Variants in ADCYAP1R1 observed in about 807,000 individuals in gnomAD.
ADCYAP1R1 encodes pituitary adenylate cyclase-activating polypeptide type I receptor.
ADCYAP1R1 carries 44 observed loss-of-function variants against 67.6 expected under a neutral mutation model. That is an observed-to-expected ratio of 0.65 (90% CI 0.51 to 0.84). The LOEUF is 0.84. Among genes scored for constraint, ADCYAP1R1 ranks in the 40% least tolerant of loss-of-function variants. The pLI is 0.00. For missense variants in ADCYAP1R1, 477 were observed against 587.9 expected, an observed-to-expected ratio of 0.81 and a Z score of 1.95; for synonymous variants, 222 against 219.6, an observed-to-expected ratio of 1.01 and a Z score of -0.10.
chr7:31,106,170 C>A (rs1185581969), intron 15 of ADCYAP1R1, among the ~76,000 whole-genome samples: 1 of 152,222 alleles, frequency 6.6e-6, no homozygotes, highest in African/African-American at 2.4e-5. Context: ...GATCCACCTG[C>A]CCTGTGGGAC....
intron 4 of ADCYAP1R1, among the ~76,000 whole-genome samples, chr7:31,078,583 C>T (rs1469012993): frequency 6.6e-6 from 1 of 152,216 alleles, no homozygotes; most frequent in Non-Finnish European, 1.5e-5. Context: ...ATGTAGACAC[C>T]CCCCTCAGGC....
At chr7:31,097,692 A>G (rs1235823884) in intron 13 of ADCYAP1R1, among the ~76,000 whole-genome samples, 2 of 152,170 alleles carry the variant, frequency 1.3e-5, no homozygotes, top group Non-Finnish European at 2.9e-5. Context: ...TACCATGGAA[A>G]CATCTAGGGT....
At chr7:31,098,069 T>G (rs2128637460) in intron 13 of ADCYAP1R1, among the ~76,000 whole-genome samples, 1 of 152,076 alleles carries the variant, frequency 6.6e-6, no homozygotes, top group Admixed American at 6.6e-5. Flanking sequence ...CCCGGCTAAT[T>G]TTTTTGTATT....
Position 31,063,255 on chromosome 7 carries a change from A to C in ADCYAP1R1, c.-10A>C. On this transcript the variant is annotated 5_prime_UTR_variant, in exon 2 of 16. Transcript: ENST00000304166. ...CAGTGGGAGGCCAGTGGTGCTGGCC[A>C]AGAAGTGTCATGGCTGGTGTCGTGC... 1 of 1,614,212 alleles carries C rather than the reference A, an allele frequency of 6.2e-7. No individual in the cohort carries two copies. Among genetic ancestry groups the C allele is most frequent in the African/African-American group, 1.3e-5 (1 of 75,078 alleles).
Position 31,057,508 on chromosome 7 carries a change from C to T in ADCYAP1R1, c.-72+4830C>T, listed in dbSNP as rs147470954. Among the ~76,000 whole-genome samples the T allele has an allele frequency of 2.1e-3, 322 of 152,326 alleles. 1 individual carries two copies. Among genetic ancestry groups the T allele is most frequent in the Non-Finnish European group, 3.8e-3 (261 of 68,026 alleles). Reference sequence around the variant, plus strand: ...ACCTGGTTCCCTACCCAAGCTTGTGCGAAATGCAGGGCATGAGTGGGATCA... The same window carrying T: ...ACCTGGTTCCCTACCCAAGCTTGTGTGAAATGCAGGGCATGAGTGGGATCA... On this transcript the variant is annotated intron_variant, in intron 1 of 15. Transcript: ENST00000304166.
At chr7:31,063,351 G>T (rs1319791962) in intron 2 of ADCYAP1R1, 36 bp downstream of exon 2, 1 of 1,612,178 alleles carries the variant, frequency 6.2e-7, no homozygotes, top group Admixed American at 1.7e-5. Context: ...GGAGCCCCAG[G>T]CTCACCTGAG....
At chr7:31,069,718 G>A (rs1794894949) in intron 3 of ADCYAP1R1, among the ~76,000 whole-genome samples, 1 of 152,172 alleles carries the variant, frequency 6.6e-6, no homozygotes, top group Admixed American at 6.5e-5. Flanking sequence ...GCTGTGCAGA[G>A]TGGCCTTCAG....
rs1796745942 is a variant in ADCYAP1R1, at chr7:31,108,785, G to C, written c.*2101G>C. On this transcript the variant is annotated 3_prime_UTR_variant, in exon 16 of 16. Transcript: ENST00000304166. Reference sequence around the variant, plus strand: ...GTGTGTGTGTGTGTGTGTGTGTAGAGGGATGGACAGGATGCTGTTTATTTT... The same window carrying C: ...GTGTGTGTGTGTGTGTGTGTGTAGACGGATGGACAGGATGCTGTTTATTTT... 1 of 145,554 alleles carries C rather than the reference G, an allele frequency of 6.9e-6. No individual in the cohort carries two copies. The highest frequency in any genetic ancestry group is 2.7e-5 in the African/African-American group (1 of 37,128). The allele number at this position is 145,554 out of a possible 1,614,324, so 9.0% of individuals were successfully genotyped here. A position where few individuals can be genotyped will look rare whatever the true frequency, so the allele number is the denominator to read the frequency against.
chr7:31,095,543 G>A (rs1382455169), intron 13 of ADCYAP1R1: 1 of 696,912 alleles, frequency 1.4e-6, no homozygotes, highest in Non-Finnish European at 2.6e-6. Flanking sequence ...GGCAGTGAAT[G>A]GGGGGAGAGG....
intron 1 of ADCYAP1R1, among the ~76,000 whole-genome samples, chr7:31,058,870 A>G (rs1179102519): frequency 6.6e-6 from 1 of 152,080 alleles, no homozygotes; most frequent in Non-Finnish European, 1.5e-5. Flanking sequence ...CAGCCCTACC[A>G]GGGACTTGCT....
chr7:31,054,231 C>T (rs1370490978), intron 1 of ADCYAP1R1, among the ~76,000 whole-genome samples: 1 of 152,140 alleles, frequency 6.6e-6, no homozygotes, highest in African/African-American at 2.4e-5. Flanking sequence ...GATACTTTTC[C>T]TCTTTGGCCA....
chr7:31,078,170 C>A, intron 4 of ADCYAP1R1, 72 bp downstream of exon 4: 2 of 1,306,740 alleles, frequency 1.5e-6, no homozygotes, highest in Non-Finnish European at 2.1e-6. Flanking sequence ...AGGCAAGCAC[C>A]AAGGACAGGG....
intron 13 of ADCYAP1R1, among the ~76,000 whole-genome samples, chr7:31,101,190 G>C (rs1322724968): frequency 3.3e-5 from 5 of 152,162 alleles, no homozygotes; most frequent in Admixed American, 2.0e-4. Context: ...CTGCTGGGGA[G>C]GGAAGGTGTT....
At chr7:31,087,964 C>A (rs1371918529) in intron 12 of ADCYAP1R1, among the ~76,000 whole-genome samples, 1 of 152,092 alleles carries the variant, frequency 6.6e-6, no homozygotes, top group Admixed American at 6.5e-5. Flanking sequence ...AGAATAAATC[C>A]TTAGAAGTGG....
Position 31,087,486 on chromosome 7 carries a change from A to G in ADCYAP1R1, c.885-141A>G, listed in dbSNP as rs952518473. 6 of 716,702 alleles carry G rather than the reference A, an allele frequency of 8.4e-6. No individual in the cohort carries two copies. In the Admixed American group the frequency reaches 1.4e-4, roughly 17 times the overall value. 44.4% of individuals were successfully genotyped at this position (716,702 alleles called of 1,614,324 possible). ...GGCTGGAGTCTGTAGCCCGCTGGAGAGCTCTTGTTCCAGCCAGCCCCTCCT... is the reference window on the plus strand; with the variant it reads ...GGCTGGAGTCTGTAGCCCGCTGGAGGGCTCTTGTTCCAGCCAGCCCCTCCT... On this transcript the variant is annotated intron_variant, in intron 11 of 15. Coordinates refer to ENST00000304166, the MANE Select transcript of ADCYAP1R1 (RefSeq NM_001118.5).
At position 31,064,948 on chromosome 7, in the gene ADCYAP1R1, G is replaced by A. The variant is rs758995; in HGVS notation, c.157+12G>A. ...TGATTCCTCTCCAGGTGAGCGGGGC[G>A]GCAGGGAGCATGCCACGTCCCCAGT... is the stretch of plus-strand genomic sequence containing the variant. On this transcript the variant is annotated intron_variant, in intron 3 of 15. Coordinates refer to ENST00000304166, the MANE Select transcript of ADCYAP1R1 (RefSeq NM_001118.5). 0.12 allele frequency: 195,316 copies of A among 1,590,046 alleles called. 13,917 individuals carry two copies. The highest frequency in any genetic ancestry group is 0.31 in the African/African-American group (23,105 of 74,488).
At chr7:31,103,947 C>A (rs1796539997) in intron 14 of ADCYAP1R1, among the ~76,000 whole-genome samples, 1 of 152,196 alleles carries the variant, frequency 6.6e-6, no homozygotes, top group Non-Finnish European at 1.5e-5. Flanking sequence ...TGGATGAAGG[C>A]AGGGGCAGCT....
chr7:31,078,233 G>C (rs1795360853), intron 4 of ADCYAP1R1, 135 bp downstream of exon 4: 4 of 634,030 alleles, frequency 6.3e-6, no homozygotes, highest in African/African-American at 3.7e-5. Context: ...TGTGGTGTGG[G>C]GGATGAAACC....
chr7:31,092,577 G>C, intron 12 of ADCYAP1R1, 67 bp from the exon 13 acceptor site: 1 of 1,295,682 alleles, frequency 7.7e-7, no homozygotes, highest in South Asian at 1.2e-5. Context: ...GGAGGGTCCT[G>C]CTGGGGAAAT....
Sources: allele counts gnomAD v4.1 joint callset (sites outside exome capture counted in the v4.1 genomes callset), GRCh38; gene constraint gnomAD v4.1.1; transcripts MANE v1.5; gene names NCBI Gene and HGNC (gene_info 2026-07-23, HGNC 2026-07-21).